Variants in TMEM132D observed in about 807,000 individuals in gnomAD.
TMEM132D encodes the protein mature OL transmembrane protein.
TMEM132D carries 21 observed loss-of-function variants against 62.3 expected under a neutral mutation model. The observed-to-expected ratio is 0.34, with a 90% confidence interval of 0.24 to 0.49. The LOEUF is 0.49. TMEM132D is among the 20% of genes least tolerant of loss of function. TMEM132D has a pLI of 0.99. For missense variants in TMEM132D, 1,346 were observed against 1,402.8 expected (o/e 0.96, Z 0.65); for synonymous variants, 621 against 575.6 (o/e 1.08, Z -1.13).
chr12:129,826,009 CTG>C (rs1267602039), intron 1 of TMEM132D, among the ~76,000 whole-genome samples: 2 of 152,170 alleles, frequency 1.3e-5, no homozygotes, highest in East Asian at 3.9e-4. Context: ...CTGCAGTGAG[CTG>C]TGATTGCTTA....
intron 1 of TMEM132D, among the ~76,000 whole-genome samples, chr12:129,820,216 A>G (rs1872506410): frequency 6.6e-6 from 1 of 152,170 alleles, no homozygotes; most frequent in Non-Finnish European, 1.5e-5. Context: ...TGCCTCCCTT[A>G]GGAATTTAGG....
intron 2 of TMEM132D, among the ~76,000 whole-genome samples, chr12:129,582,671 T>C (rs1159151536): frequency 1.3e-5 from 2 of 151,016 alleles, no homozygotes; most frequent in African/African-American, 4.9e-5. Context: ...CAGGCTGGAG[T>C]GCAGTGGTGT....
chr12:129,449,977 T>A (rs73427785), intron 3 of TMEM132D, among the ~76,000 whole-genome samples: 3,036 of 152,330 alleles, frequency 0.02, 102 homozygotes, highest in African/African-American at 0.068. Flanking sequence ...TGATCAGTGA[T>A]GAGCTTTTTT....
intron 2 of TMEM132D, among the ~76,000 whole-genome samples, chr12:129,662,972 G>A (rs1880280104): frequency 6.6e-6 from 1 of 152,098 alleles, no homozygotes; most frequent in Non-Finnish European, 1.5e-5. Flanking sequence ...GTGAATTAAG[G>A]AAGTCTTCAG....
chr12:129,507,137 C>G (rs778838632), intron 3 of TMEM132D, among the ~76,000 whole-genome samples: 7 of 152,184 alleles, frequency 4.6e-5, no homozygotes, highest in Middle Eastern at 3.4e-3. Flanking sequence ...CAGGGAAATG[C>G]AAATCAAAAC....
At chr12:129,872,059 C>G (rs1385801051) in intron 1 of TMEM132D, among the ~76,000 whole-genome samples, 1 of 152,214 alleles carries the variant, frequency 6.6e-6, no homozygotes, top group East Asian at 1.9e-4. Flanking sequence ...GCTATCAACT[C>G]TCCCATGCTT....
intron 3 of TMEM132D, among the ~76,000 whole-genome samples, chr12:129,370,883 T>C (rs1360841222): frequency 6.6e-6 from 1 of 152,026 alleles, no homozygotes; most frequent in Non-Finnish European, 1.5e-5. Flanking sequence ...AAAGGGAAGA[T>C]GGGAGGGGAA....
At chr12:129,075,219 A>G (rs554482743) in intron 8 of TMEM132D, among the ~76,000 whole-genome samples, 160 bp from the exon 9 acceptor site, 24 of 152,336 alleles carry the variant, frequency 1.6e-4, no homozygotes, top group Admixed American at 3.9e-4. Context: ...CCAAGAGTAT[A>G]AAAGAAAATG....
intron 4 of TMEM132D, among the ~76,000 whole-genome samples, chr12:129,322,616 A>T (rs1386866065): frequency 1.3e-5 from 2 of 152,022 alleles, no homozygotes; most frequent in African/African-American, 2.4e-5. Flanking sequence ...TCCAGGAAGG[A>T]TTTTTTTCTA....
chr12:129,386,636 C>T (rs1293608105), intron 3 of TMEM132D, among the ~76,000 whole-genome samples: 27 of 151,656 alleles, frequency 1.8e-4, no homozygotes, highest in Admixed American at 1.8e-3. Context: ...AACAGTATCA[C>T]TAGTCATAAT....
At chr12:129,583,620 C>A (rs1877939566) in intron 2 of TMEM132D, among the ~76,000 whole-genome samples, 1 of 152,120 alleles carries the variant, frequency 6.6e-6, no homozygotes, top group Non-Finnish European at 1.5e-5. Context: ...TGAGAACAGA[C>A]CAACAAACAA....
chr12:129,265,852 C>T (rs2135597794), intron 4 of TMEM132D, among the ~76,000 whole-genome samples: 1 of 152,238 alleles, frequency 6.6e-6, no homozygotes, highest in Non-Finnish European at 1.5e-5. Context: ...GCACAGCTGT[C>T]CCTCTTACAA....
Position 129,596,753 on chromosome 12 carries a change from G to A in TMEM132D, c.969-65548C>T, listed in dbSNP as rs192296291. Among the ~76,000 whole-genome samples, 11 of 151,530 alleles carry A rather than the reference G, an allele frequency of 7.3e-5. No individual in the cohort carries two copies. The East Asian group carries it at 2.1e-3, about 29-fold the overall frequency. ...TTTTGATTGAATTCCATATGCCTCT[G>A]ACCTCATTCGAATGGTGTTTTTTTT... On this transcript the variant is annotated intron_variant, in intron 2 of 8. Coordinates refer to ENST00000422113, the MANE Select transcript of TMEM132D (RefSeq NM_133448.3).
chr12:129,851,665 C>T lies in TMEM132D; in HGVS notation c.79+51596G>A, dbSNP rs141938996. Among the ~76,000 whole-genome samples, 732 of 148,382 alleles carry T rather than the reference C, an allele frequency of 4.9e-3. 5 individuals carry two copies. Among genetic ancestry groups the T allele is most frequent in the African/African-American group, 0.017 (666 of 38,140 alleles). The stretch of plus-strand genomic sequence containing the variant: ...TGCACCCATGTTCACAGCACTGCTT[C>T]CCTACAGCACTGCTTCCCTACAGCA... On this transcript the variant is annotated intron_variant, in intron 1 of 8. Coordinates refer to ENST00000422113, the MANE Select transcript of TMEM132D (RefSeq NM_133448.3).
At chr12:129,799,630 C>A (rs146409750) in intron 1 of TMEM132D, among the ~76,000 whole-genome samples, 1 of 152,042 alleles carries the variant, frequency 6.6e-6, no homozygotes, top group Non-Finnish European at 1.5e-5. Context: ...GTTGGCCCGT[C>A]GGTCTCTCAC....
intron 4 of TMEM132D, among the ~76,000 whole-genome samples, chr12:129,243,649 A>G (rs185139345): frequency 2.6e-4 from 39 of 152,300 alleles, no homozygotes; most frequent in Middle Eastern, 6.8e-3. Flanking sequence ...CATCTCCACA[A>G]TGATTTTGCT....
rs557720340 is a variant in TMEM132D at position 129,238,466 on chromosome 12, A to C, written c.1300-28803T>G. Among the ~76,000 whole-genome samples the C allele has an allele frequency of 5.9e-5, 9 of 152,308 alleles. No individual in the cohort carries two copies. In the East Asian group the frequency reaches 1.7e-3, roughly 29 times the overall value. On this transcript the variant is annotated intron_variant, in intron 4 of 8. Coordinates refer to ENST00000422113, the MANE Select transcript of TMEM132D (RefSeq NM_133448.3). Reference sequence around the variant, plus strand: ...GCAAAACTGAAACCCTACTCACATTAAACAACAACTTCCCTTTACCTTTTC... The same window carrying C: ...GCAAAACTGAAACCCTACTCACATTCAACAACAACTTCCCTTTACCTTTTC...
chr12:129,890,973 G>A (rs1434836043), intron 1 of TMEM132D, among the ~76,000 whole-genome samples: 4 of 152,106 alleles, frequency 2.6e-5, no homozygotes, highest in Non-Finnish European at 5.9e-5. Flanking sequence ...ATTCCATGGA[G>A]GTCACCGAAT....
intron 1 of TMEM132D, among the ~76,000 whole-genome samples, chr12:129,729,280 C>A (rs1869139442): frequency 6.6e-6 from 1 of 152,162 alleles, no homozygotes; most frequent in South Asian, 2.1e-4. Context: ...CAGTTCTATT[C>A]CCTTGTATAT....
Sources: gnomAD v4.1 joint callset for allele counts (sites outside exome capture counted in the v4.1 genomes callset) on GRCh38, gnomAD v4.1.1 for gene constraint, MANE v1.5 for transcripts, NCBI Gene and HGNC (gene_info 2026-07-23, HGNC 2026-07-21) for gene names.